Variants in RNF24 observed in about 807,000 individuals in gnomAD.
The protein encoded by RNF24 is ring finger protein 24.
A neutral mutation model predicts 20.0 loss-of-function variants in RNF24; 14 were observed. That is an observed-to-expected ratio of 0.70 (90% CI 0.46 to 1.10). RNF24 has a LOEUF of 1.10. RNF24 is among the 50% of genes least tolerant of loss of function. The pLI is 0.00. For synonymous variants in RNF24, 45 were observed against 61.1 expected, an observed-to-expected ratio of 0.74 and a Z score of 1.23; for missense variants, 124 against 177.6, an observed-to-expected ratio of 0.70 and a Z score of 1.71.
intron 2 of RNF24, among the ~76,000 whole-genome samples, chr20:3,953,663 C>T (rs374769560): frequency 1.3e-5 from 2 of 151,890 alleles, no homozygotes; most frequent in East Asian, 3.9e-4. Flanking sequence ...GGGGTTTCAC[C>T]ATGTTGGCCA....
At position 3,934,098 on chromosome 20, in the gene RNF24, G is replaced by A; in HGVS notation, c.412C>T (p.Gln138Ter). 6.5e-7 allele frequency: 1 copy of A among 1,535,348 alleles called. No individual in the cohort carries two copies. The highest frequency in any genetic ancestry group is 1.4e-5 in the African/African-American group (1 of 70,918). Residue 138 changes from glutamine to a stop codon, truncating the protein, a stop_gained, in exon 6 of 6, where the codon CAG becomes TAG. Transcript: ENST00000358395. LOFTEE classifies it high-confidence loss of function. This position sits in a 1 kb window ranked among gnomAD's most constrained non-coding sequence, Gnocchi z 4.0. ...TTCTCTGCCCCAGGAAGGGGCCCCT[G>A]AGGGGGTCCACGGTCCTGCTTACTG... is the stretch of plus-strand genomic sequence containing the variant. ...LHSKQDRGPP[Q>*]GPLPGAENIV
At chr20:3,956,281 A>C (rs2091141998) in intron 2 of RNF24, among the ~76,000 whole-genome samples, 1 of 151,144 alleles carries the variant, frequency 6.6e-6, no homozygotes, top group Admixed American at 6.6e-5. Flanking sequence ...TTTTTTAATA[A>C]ATGCCCTTTC....
At position 3,934,516 on chromosome 20, in the gene RNF24, G is replaced by A. The variant is rs1382877775; in HGVS notation, c.309-315C>T. Among the ~76,000 whole-genome samples, 2 of 152,222 alleles carry A rather than the reference G, an allele frequency of 1.3e-5. No homozygotes were observed. Among genetic ancestry groups the A allele is most frequent in the Non-Finnish European group, 2.9e-5 (2 of 68,028 alleles). ...ACAAGAACAAAATACACTGAGCAGG[G>A]ATGTGAGAAGTAGGAAAATAAATTT... is the stretch of plus-strand genomic sequence containing the variant. On this transcript the variant is annotated intron_variant, in intron 5 of 5. Transcript: ENST00000358395. This position sits in a 1 kb window ranked among gnomAD's most constrained non-coding sequence, Gnocchi z 4.0.
rs867893018 is a variant in RNF24, at chr20:3,930,954, G to C, written c.*3109C>G. The stretch of plus-strand genomic sequence containing the variant: ...GCCTTCCCTGGCTAGGCAAGCATAG[G>C]CTTCAAGGACCTTATCTGCCAGGGA... On this transcript the variant is annotated 3_prime_UTR_variant, in exon 6 of 6. Coordinates refer to ENST00000358395, the MANE Select transcript of RNF24 (RefSeq NM_001134337.3). The C allele has an allele frequency of 4.6e-5, 7 of 152,218 alleles. No individual in the cohort carries two copies. Among genetic ancestry groups the C allele is most frequent in the Admixed American group, 2.6e-4 (4 of 15,278 alleles). The allele number at this position is 152,218 out of a possible 1,614,324, so 9.4% of individuals were successfully genotyped here. A position where few individuals can be genotyped will look rare whatever the true frequency, so the allele number is the denominator to read the frequency against.
At position 3,963,974 on chromosome 20, in the gene RNF24, A is replaced by G. The variant is rs369777553; in HGVS notation, c.44T>C (p.Ile15Thr). 1 of 1,613,722 alleles carries G rather than the reference A, an allele frequency of 6.2e-7. No individual in the cohort carries two copies. The highest frequency in any genetic ancestry group is 8.5e-7 in the Non-Finnish European group (1 of 1,179,706). The change falls in exon 2 of 6, where the codon ATT becomes ACT. Residue 15 changes from isoleucine to threonine, a missense_variant. Physicochemically the swap from Ile to Thr is moderately conservative, Grantham distance 89. Transcript: ENST00000358395. ...FPHYNFRMPNIGFQNLPLNIY... is the reference protein window; with the variant it reads ...FPHYNFRMPNTGFQNLPLNIY... The stretch of plus-strand genomic sequence containing the variant: ...GTTGAGAGGCAGATTCTGGAATCCA[A>G]TATTAGGCATCCTGAAGTTGTAATG...
At chr20:3,999,572 T>C (rs1981212989) in intron 1 of RNF24, among the ~76,000 whole-genome samples, 1 of 152,088 alleles carries the variant, frequency 6.6e-6, no homozygotes, top group African/African-American at 2.4e-5. Flanking sequence ...ATGGCCAACA[T>C]GGAGAAACCC....
At position 3,935,024 on chromosome 20, in the gene RNF24, A is replaced by C. The variant is rs2090873283; in HGVS notation, c.278T>G (p.Ile93Ser). The change falls in exon 5 of 6, where the codon ATT becomes AGT. Residue 93 changes from isoleucine (I) to serine (S), a missense_variant. Ile to Ser is a moderately radical substitution (Grantham distance 142, BLOSUM62 -2). Transcript: ENST00000358395. ...GTGGAAGGCGTGCTTACATGGGCAA[A>C]TCCCCAACTCATCTCGAGGCTTGAA... ...EDFKPRDELGICPCKHAFHRK... is the reference protein window; with the variant it reads ...EDFKPRDELGSCPCKHAFHRK... 1 of 1,613,920 alleles carries C rather than the reference A, an allele frequency of 6.2e-7. No homozygotes were observed.
Position 3,929,435 on chromosome 20 carries a change from G to A in RNF24, c.*4628C>T, listed in dbSNP as rs530772571. On this transcript the variant is annotated 3_prime_UTR_variant, in exon 6 of 6. Coordinates refer to ENST00000358395, the MANE Select transcript of RNF24 (RefSeq NM_001134337.3). The stretch of plus-strand genomic sequence containing the variant: ...TGGGAGGGAAAGGGAGTAGCTCCAT[G>A]AACTGACGCTGGACATTCAGGCATA... 4.1e-4 allele frequency: 63 copies of A among 152,394 alleles called. No individual in the cohort carries two copies. The highest frequency in any genetic ancestry group is 1.5e-3 in the African/African-American group (61 of 41,574). The allele number at this position is 152,394 out of a possible 1,614,324, so 9.4% of individuals were successfully genotyped here.
At chr20:3,970,866 T>C (rs6052204) in intron 1 of RNF24, among the ~76,000 whole-genome samples, 20,305 of 151,994 alleles carry the variant, frequency 0.13, 1,536 homozygotes, top group Non-Finnish European at 0.17. Flanking sequence ...GCAAACATGG[T>C]GAAACCCTGT....
intron 2 of RNF24, among the ~76,000 whole-genome samples, chr20:3,961,204 C>T (rs889491199): frequency 6.6e-6 from 1 of 151,918 alleles, no homozygotes; most frequent in African/African-American, 2.4e-5. Flanking sequence ...GAGTTGGAGA[C>T]CAGTCTGGAA....
chr20:3,951,112 T>A (rs550661758), intron 2 of RNF24, among the ~76,000 whole-genome samples: 1 of 152,236 alleles, frequency 6.6e-6, no homozygotes, highest in Non-Finnish European at 1.5e-5. Context: ...CCCACTAACA[T>A]GCCCGGCTAA....
chr20:3,967,973 C>CAAA (rs58984163), intron 1 of RNF24, among the ~76,000 whole-genome samples: 1,047 of 76,532 alleles, frequency 0.014, no homozygotes, highest in Non-Finnish European at 0.017. Context: ...AGCCTGGCAA[C>CAAA]AAAAAAAAAA....
At position 3,934,369 on chromosome 20, in the gene RNF24, CAGAG is replaced by C. The variant is rs148142312; in HGVS notation, c.309-172_309-169del. On this transcript the variant is annotated intron_variant, in intron 5 of 5. Transcript: ENST00000358395. This position sits in a 1 kb window ranked among gnomAD's most constrained non-coding sequence, Gnocchi z 4.0. ...TCACCCCCTGGAGAGAGGGAAGAGA[CAGAG>C]AGAAGGAGTGGGGAGAGGCCAAGGG... Among the ~76,000 whole-genome samples, 71 of 152,270 alleles carry C rather than the reference CAGAG, an allele frequency of 4.7e-4. No individual in the cohort carries two copies. The East Asian group carries it at 6.4e-3, about 14-fold the overall frequency.
intron 1 of RNF24, among the ~76,000 whole-genome samples, chr20:3,971,466 T>C (rs1978351053): frequency 6.6e-6 from 1 of 152,124 alleles, no homozygotes; most frequent in Non-Finnish European, 1.5e-5. Context: ...TAAGGGTAAA[T>C]ACAATAAACT....
Position 3,927,649 on chromosome 20 carries a change from ACT to A in RNF24, c.*6412_*6413del, listed in dbSNP as rs1336400329. 2 of 152,104 alleles carry A rather than the reference ACT, an allele frequency of 1.3e-5. No homozygotes were observed. Among genetic ancestry groups the A allele is most frequent in the African/African-American group, 4.8e-5 (2 of 41,406 alleles). 9.4% of individuals were successfully genotyped at this position (152,104 alleles called of 1,614,324 possible). A position where few individuals can be genotyped will look rare whatever the true frequency, so the allele number is the denominator to read the frequency against. On this transcript the variant is annotated 3_prime_UTR_variant, in exon 6 of 6. Coordinates refer to ENST00000358395, the MANE Select transcript of RNF24 (RefSeq NM_001134337.3). ...CCAAGAGGCGATAGTTACCAGCAAC[ACT>A]CTAGGAAGACCAGCTGTCACCAGAA...
At chr20:3,999,557 C>T (rs1784101753) in intron 1 of RNF24, among the ~76,000 whole-genome samples, 4 of 152,122 alleles carry the variant, frequency 2.6e-5, no homozygotes, top group Admixed American at 2.6e-4. Flanking sequence ...GAGTTTGAGA[C>T]CAGCATGGCC....
In RNF24 at chr20:3,993,319, A is replaced by T. The variant is rs201971763; in HGVS notation, c.-8+22118T>A. On this transcript the variant is annotated intron_variant, in intron 1 of 5. Transcript: ENST00000358395. ...CTTTTTTTTTTTGAGGCAGAGTCTCACTCTACTACCCAGGCTGGAGTACAG... is the reference window on the plus strand; with the variant it reads ...CTTTTTTTTTTTGAGGCAGAGTCTCTCTCTACTACCCAGGCTGGAGTACAG... Among the ~76,000 whole-genome samples the T allele has an allele frequency of 2.5e-4, 38 of 151,740 alleles. No individual in the cohort carries two copies. The East Asian group carries it at 6.2e-3, about 25-fold the overall frequency.
At chr20:3,970,158 A>G (rs1485197283) in intron 1 of RNF24, among the ~76,000 whole-genome samples, 1 of 152,110 alleles carries the variant, frequency 6.6e-6, no homozygotes, top group African/African-American at 2.4e-5. Context: ...ACCACCACCA[A>G]GTGGCAACAA....
At position 3,964,094 on chromosome 20, in the gene RNF24, C is replaced by T; in HGVS notation, c.-7-70G>A. 7 of 1,394,490 alleles carry T rather than the reference C, an allele frequency of 5.0e-6. No individual in the cohort carries two copies. In the South Asian group the frequency reaches 5.0e-5, roughly 10 times the overall value. 86.4% of individuals were successfully genotyped at this position (1,394,490 alleles called of 1,614,324 possible). A position where few individuals can be genotyped will look rare whatever the true frequency, so the allele number is the denominator to read the frequency against. On this transcript the variant is annotated intron_variant, in intron 1 of 5. Coordinates refer to ENST00000358395, the MANE Select transcript of RNF24 (RefSeq NM_001134337.3). ...GAACCAAGACAGCATTATCATTGTGCACGTATAGAGGCACAATGACCTCAT... is the reference window on the plus strand; with the variant it reads ...GAACCAAGACAGCATTATCATTGTGTACGTATAGAGGCACAATGACCTCAT...
Sources: allele counts gnomAD v4.1 joint callset (sites outside exome capture counted in the v4.1 genomes callset), GRCh38; gene constraint gnomAD v4.1.1; non-coding constraint Gnocchi (gnomAD v3.1); transcripts MANE v1.5; gene names NCBI Gene and HGNC (gene_info 2026-07-23, HGNC 2026-07-21).